The following SPEF2 variants were observed in gnomAD, a reference collection of about 807,000 sequenced individuals.
SPEF2 encodes the protein sperm flagellar and cilia associated 2, also known as sperm flagella and cilia-associated protein 2.
A neutral mutation model predicts 224.6 loss-of-function variants in SPEF2; 187 were observed. That is an observed-to-expected ratio of 0.83 (90% CI 0.74 to 0.94). The LOEUF is 0.94. Ranked by LOEUF, SPEF2 falls within the 40% of genes least tolerant of loss-of-function variation. The pLI, the probability that SPEF2 is intolerant of heterozygous loss-of-function variation, is 0.00. For synonymous variants in SPEF2, 715 were observed against 707.3 expected (o/e 1.01, Z -0.17); for missense variants, 2,170 against 2,135.6 (o/e 1.02, Z -0.32).
At chr5:35,788,922 G>A (rs750804365) in intron 30 of SPEF2, 10 of 702,746 alleles carry the variant, frequency 1.4e-5, no homozygotes, top group South Asian at 5.9e-5. Flanking sequence ...CTTCACCTTC[G>A]ACCTGTGATG....
chr5:35,763,648 T>A lies in SPEF2; in HGVS notation c.3747T>A (p.Asp1249Glu). 1.2e-6 allele frequency: 2 copies of A among 1,613,896 alleles called. No individual in the cohort carries two copies. The highest frequency in any genetic ancestry group is 2.2e-5 in the South Asian group (2 of 91,042). Residue 1249 changes from aspartate (D) to glutamate (E), a missense_variant, in exon 26 of 37, where the codon GAT becomes GAA. Asp to Glu is a conservative substitution (Grantham distance 45). Coordinates refer to ENST00000356031, the MANE Select transcript of SPEF2 (RefSeq NM_024867.4). ...LENVESNFEADEKLVMDTWQQ... is the reference protein window; with the variant it reads ...LENVESNFEAEEKLVMDTWQQ... ...ACGTTGAGTCCAACTTTGAGGCCGA[T>A]GAAAAGTTGGTCATGGACACCTGGC...
chr5:35,786,747 G>C (rs984308681), intron 30 of SPEF2, among the ~76,000 whole-genome samples: 1 of 152,120 alleles, frequency 6.6e-6, no homozygotes, highest in Admixed American at 6.6e-5. Flanking sequence ...AAGGTTTTCA[G>C]TTAAAAGGGA....
chr5:35,770,922 G>C (rs1350106955), intron 26 of SPEF2, among the ~76,000 whole-genome samples: 1 of 152,116 alleles, frequency 6.6e-6, no homozygotes, highest in Non-Finnish European at 1.5e-5. Context: ...GGGTTAGCTT[G>C]TGGAATGGGT....
chr5:35,688,960 T>C (rs1754043450), intron 10 of SPEF2, among the ~76,000 whole-genome samples: 1 of 152,180 alleles, frequency 6.6e-6, no homozygotes, highest in African/African-American at 2.4e-5. Context: ...TAGTTTTCTT[T>C]TGGGATGTTG....
rs573191038 is a variant in SPEF2 at position 35,645,561 on chromosome 5, T to C, written c.585+1036T>C. On this transcript the variant is annotated intron_variant, in intron 4 of 36. Coordinates refer to ENST00000356031, the MANE Select transcript of SPEF2 (RefSeq NM_024867.4). ...GACTTGCCAGAGGGTAAATAAAGGA[T>C]TATATTCCCCTTTGGTGTTACATGA... Among the ~76,000 whole-genome samples the C allele has an allele frequency of 1.3e-3, 194 of 152,250 alleles. 1 individual carries two copies. In the Middle Eastern group the frequency reaches 0.041, roughly 32 times the overall value.
intron 33 of SPEF2, among the ~76,000 whole-genome samples, chr5:35,797,298 G>C (rs1446619578): frequency 6.8e-6 from 1 of 147,380 alleles, no homozygotes; most frequent in Non-Finnish European, 1.5e-5. Flanking sequence ...ATGTTGTTAT[G>C]GAACAAAGAT....
intron 4 of SPEF2, 193 bp from the exon 5 acceptor site, chr5:35,646,474 A>C: frequency 2.2e-6 from 1 of 459,164 alleles, no homozygotes; most frequent in South Asian, 4.4e-5. Flanking sequence ...GTGTTTTAAT[A>C]TCATGCTTTT....
At chr5:35,735,436 C>G (rs1746420351) in intron 21 of SPEF2, among the ~76,000 whole-genome samples, 1 of 152,132 alleles carries the variant, frequency 6.6e-6, no homozygotes, top group Non-Finnish European at 1.5e-5. Flanking sequence ...GTGGAAATTA[C>G]AGAAAGACAA....
At chr5:35,753,235 T>C (rs1749946911) in intron 23 of SPEF2, among the ~76,000 whole-genome samples, 2 of 152,166 alleles carry the variant, frequency 1.3e-5, no homozygotes, top group South Asian at 4.1e-4. Flanking sequence ...TTAATTATGT[T>C]AATTAATACA....
intron 19 of SPEF2, chr5:35,710,125 A>C (rs1740798784): frequency 2.0e-6 from 2 of 985,322 alleles, no homozygotes; most frequent in Non-Finnish European, 2.4e-6. Context: ...CACATCCTAA[A>C]AAATGTTTTT....
Position 35,793,274 on chromosome 5 carries a change from C to G in SPEF2, c.4670C>G (p.Thr1557Ser). The G allele has an allele frequency of 6.2e-7, 1 of 1,614,182 alleles. No individual in the cohort carries two copies. The highest frequency in any genetic ancestry group is 8.5e-7 in the Non-Finnish European group (1 of 1,180,020). ...CCCTTGGAGGAGGAGCTCCTTGAGA[C>G]CCTTCAGAAGTTCAAGGCTGTGGAT... ...PIPLEEELLE[T>S]LQKFKAVDKE... Residue 1557 changes from threonine to serine, a missense_variant, in exon 32 of 37, where the codon ACC becomes AGC. Coordinates refer to ENST00000356031, the MANE Select transcript of SPEF2 (RefSeq NM_024867.4).
chr5:35,804,419 G>T (rs556797353), intron 34 of SPEF2, among the ~76,000 whole-genome samples: 1 of 152,226 alleles, frequency 6.6e-6, no homozygotes, highest in South Asian at 2.1e-4. Flanking sequence ...CTCCAAATTG[G>T]CCTCACTGGT....
At chr5:35,807,778 A>T (rs956366465) in intron 36 of SPEF2, 75 of 1,535,464 alleles carry the variant, frequency 4.9e-5, no homozygotes, top group Non-Finnish European at 6.5e-5. Flanking sequence ...AGAAAGGAAG[A>T]ACTGCAACTC....
In SPEF2 at chr5:35,696,686, A is replaced by G. The variant is rs73082299; in HGVS notation, c.2037+890A>G. On this transcript the variant is annotated intron_variant, in intron 14 of 36. Transcript: ENST00000356031. ...ATTCTAATGGAGAGAGACATAATAA[A>G]CTATGAACATAGAGATAAATATGAT... Among the ~76,000 whole-genome samples, 385 of 152,270 alleles carry G rather than the reference A, an allele frequency of 2.5e-3. 4 individuals are homozygous for G. The highest frequency in any genetic ancestry group is 8.9e-3 in the African/African-American group (372 of 41,568).
intron 10 of SPEF2, among the ~76,000 whole-genome samples, chr5:35,686,023 T>C (rs1753564208): frequency 6.6e-6 from 1 of 152,070 alleles, no homozygotes; most frequent in Non-Finnish European, 1.5e-5. Context: ...AGTTCCTTTA[T>C]CTCCCCAAAT....
At chr5:35,687,506 G>A (rs1191930444) in intron 10 of SPEF2, among the ~76,000 whole-genome samples, 3 of 151,540 alleles carry the variant, frequency 2.0e-5, no homozygotes, top group African/African-American at 4.9e-5. Context: ...CGCCCAGGCT[G>A]GAGTGCAGTG....
rs369540475 is a variant in SPEF2 at position 35,806,937 on chromosome 5, G to C, written c.5241G>C (p.Glu1747Asp). 2 of 1,607,642 alleles carry C rather than the reference G, an allele frequency of 1.2e-6. No individual in the cohort carries two copies. The highest frequency in any genetic ancestry group is 1.7e-6 in the Non-Finnish European group (2 of 1,177,822). The part of the protein sequence containing the change: ...SNRFASHLKI[E>D]NIYAEGFIKT... ...GATTTGCCAGCCACCTAAAGATAGA[G>C]AACATTTATGCAGAGGTTGGTTAAA... Residue 1747 changes from glutamate (E) to aspartate (D), a missense_variant, in exon 35 of 37, where the codon GAG becomes GAC. Glu to Asp is a conservative substitution (Grantham distance 45, BLOSUM62 2). Transcript: ENST00000356031.
At chr5:35,700,800 T>C (rs770849826) in intron 16 of SPEF2, 48 bp downstream of exon 16, 1 of 1,588,594 alleles carries the variant, frequency 6.3e-7, no homozygotes, top group Admixed American at 1.7e-5. Flanking sequence ...GAAAACTCTT[T>C]GTTCTTTGAA....
In SPEF2 at chr5:35,807,665, G is replaced by C. The variant is rs533329145; in HGVS notation, c.5379+412G>C. The C allele has an allele frequency of 9.8e-6, 15 of 1,536,074 alleles. No homozygotes were observed. In the South Asian group the frequency reaches 1.7e-4, roughly 17 times the overall value. On this transcript the variant is annotated intron_variant, in intron 36 of 36. Coordinates refer to ENST00000356031, the MANE Select transcript of SPEF2 (RefSeq NM_024867.4). ...TACACATCATCTATGTAGTGGAAAT[G>C]ATAGTGTGTGCAAAAGGTTGGGCAC...
Sources: gnomAD v4.1 joint callset for allele counts (sites outside exome capture counted in the v4.1 genomes callset) on GRCh38, gnomAD v4.1.1 for gene constraint, MANE v1.5 for transcripts, NCBI Gene and HGNC (gene_info 2026-07-23, HGNC 2026-07-21) for gene names.